The following EIF4G3 variants were observed in gnomAD, a reference collection of about 807,000 sequenced individuals.
EIF4G3 encodes eukaryotic translation initiation factor 4 gamma 3, also known as eIF-4-gamma 3.
A neutral mutation model predicts 186.4 loss-of-function variants in EIF4G3; 34 were observed. That is an observed-to-expected ratio of 0.18 (90% CI 0.14 to 0.24). The LOEUF is 0.24. Ranked by LOEUF, EIF4G3 falls within the 10% of genes least tolerant of loss-of-function variation. The pLI, the probability that EIF4G3 is intolerant of heterozygous loss-of-function variation, is 1.00. For synonymous variants in EIF4G3, 673 were observed against 679.5 expected, an observed-to-expected ratio of 0.99 and a Z score of 0.15; for missense variants, 1,536 against 1,948.5, an observed-to-expected ratio of 0.79 and a Z score of 3.99.
intron 12 of EIF4G3, among the ~76,000 whole-genome samples, chr1:20,959,953 A>C (rs1263646268): frequency 6.6e-6 from 1 of 152,114 alleles, no homozygotes; most frequent in Non-Finnish European, 1.5e-5. Flanking sequence ...ACTGGTGGGA[A>C]TGTATAACCT....
At chr1:21,000,523 T>C (rs1485390179) in intron 6 of EIF4G3, among the ~76,000 whole-genome samples, 1 of 151,388 alleles carries the variant, frequency 6.6e-6, no homozygotes, top group Non-Finnish European at 1.5e-5. Flanking sequence ...GACTAGACTA[T>C]GACAACTTGG....
intron 30 of EIF4G3, among the ~76,000 whole-genome samples, chr1:20,836,547 T>G (rs111493080): frequency 1.1e-3 from 165 of 152,320 alleles, no homozygotes; most frequent in African/African-American, 3.9e-3. Context: ...GTGTCCAGCC[T>G]ACATAGGGTC....
chr1:20,948,388 A>T (rs1022327094), intron 13 of EIF4G3, among the ~76,000 whole-genome samples: 4 of 152,180 alleles, frequency 2.6e-5, no homozygotes, highest in African/African-American at 4.8e-5. Flanking sequence ...TTGCTGAAAG[A>T]AGTTCTTGAC....
chr1:21,161,340 C>T (rs1573579322), intron 2 of EIF4G3: 1 of 151,776 alleles, frequency 6.6e-6, no homozygotes, highest in South Asian at 2.1e-4. Context: ...CCCACCTCTA[C>T]TAAAAATACA....
At chr1:21,134,874 GT>G (rs34553393) in intron 2 of EIF4G3, among the ~76,000 whole-genome samples, 59 of 149,854 alleles carry the variant, frequency 3.9e-4, no homozygotes, top group East Asian at 9.8e-4. Context: ...ACTATGCAGT[GT>G]TTTTTTTTTG....
chr1:20,876,799 A>G (rs2081015281), intron 20 of EIF4G3, among the ~76,000 whole-genome samples: 1 of 152,066 alleles, frequency 6.6e-6, no homozygotes, highest in Non-Finnish European at 1.5e-5. Flanking sequence ...AGTTTTTGAG[A>G]CCAATCTGGG....
At chr1:21,060,234 G>A (rs985003537) in intron 3 of EIF4G3, among the ~76,000 whole-genome samples, 1 of 152,182 alleles carries the variant, frequency 6.6e-6, no homozygotes, top group African/African-American at 2.4e-5. Flanking sequence ...ACAGGCGTGC[G>A]TCACTGCATC....
chr1:20,990,449 C>A (rs1341095279), intron 7 of EIF4G3, among the ~76,000 whole-genome samples: 1 of 152,048 alleles, frequency 6.6e-6, no homozygotes, highest in African/African-American at 2.4e-5. Context: ...CTGAGGTGGG[C>A]GGATCACGAG....
rs190674056 is a variant in EIF4G3 at position 20,868,265 on chromosome 1, A to T, written c.2623-3003T>A. ...GGGCTGCTATAACAAAATACCATAG[A>T]CTGGGTGGCTTAAACAATGGAAGTT... On this transcript the variant is annotated intron_variant, in intron 20 of 36. Transcript: ENST00000602326. 6.0e-3 allele frequency among the ~76,000 whole-genome samples: 906 copies of T among 151,766 alleles called. 40 individuals are homozygous for T. Among genetic ancestry groups the T allele is most frequent in the Admixed American group, 0.05 (769 of 15,232 alleles).
chr1:20,896,449 A>G (rs1165582429), intron 16 of EIF4G3, among the ~76,000 whole-genome samples: 16 of 151,064 alleles, frequency 1.1e-4, no homozygotes, highest in Non-Finnish European at 1.8e-4. Flanking sequence ...AAAAAAAAAA[A>G]AAAGAAAAAG....
intron 22 of EIF4G3, among the ~76,000 whole-genome samples, 191 bp downstream of exon 22, chr1:20,864,285 C>T (rs1330032036): frequency 1.1e-4 from 16 of 152,072 alleles, no homozygotes; most frequent in Admixed American, 9.8e-4. Context: ...AATTTGGGAC[C>T]CTCCTCATCT....
At chr1:20,868,406 C>T (rs1213821391) in intron 20 of EIF4G3, among the ~76,000 whole-genome samples, 3 of 152,076 alleles carry the variant, frequency 2.0e-5, no homozygotes, top group Non-Finnish European at 4.4e-5. Context: ...TGTATCCTTA[C>T]ATGACAGGGA....
intron 2 of EIF4G3, among the ~76,000 whole-genome samples, chr1:21,149,991 TAA>T (rs1347065583): frequency 1.3e-5 from 2 of 152,258 alleles, no homozygotes; most frequent in African/African-American, 4.8e-5. Flanking sequence ...ACTAATGCTG[TAA>T]ATTCCAATAC....
intron 3 of EIF4G3, among the ~76,000 whole-genome samples, chr1:21,067,807 G>A (rs2095301385): frequency 1.3e-5 from 2 of 152,022 alleles, no homozygotes; most frequent in African/African-American, 2.4e-5. Flanking sequence ...TTATCAGTGA[G>A]AGTTATTGAA....
In EIF4G3 at chr1:20,949,916, T is replaced by C; in HGVS notation, c.823+87A>G. The C allele has an allele frequency of 2.7e-6, 3 of 1,116,780 alleles. No homozygotes were observed. The African/African-American group carries it at 4.6e-5, about 17-fold the overall frequency. 69.2% of individuals were successfully genotyped at this position (1,116,780 alleles called of 1,614,324 possible). On this transcript the variant is annotated intron_variant, in intron 13 of 36. Transcript: ENST00000602326. ...GGGTGTCTAAATAATCCTTGGATGCTGTACTCTTACTCTTGAATGCTGACG... is the reference window on the plus strand; with the variant it reads ...GGGTGTCTAAATAATCCTTGGATGCCGTACTCTTACTCTTGAATGCTGACG...
chr1:21,055,804 A>G (rs1490273093), intron 3 of EIF4G3, among the ~76,000 whole-genome samples: 2 of 152,182 alleles, frequency 1.3e-5, no homozygotes, highest in Admixed American at 1.3e-4. Context: ...CCTGTACACT[A>G]GTATCAACAG....
At chr1:21,007,536 A>AAAAAAAAAAAG (rs2085555335) in intron 4 of EIF4G3, among the ~76,000 whole-genome samples, 2 of 88,890 alleles carry the variant, frequency 2.2e-5, no homozygotes, top group Admixed American at 3.0e-4. Context: ...AAAAAAAAAA[A>AAAAAAAAAAAG]ACACACTCAA....
intron 2 of EIF4G3, among the ~76,000 whole-genome samples, chr1:21,116,838 CAAA>C (rs577723036): frequency 7.4e-5 from 5 of 67,512 alleles, no homozygotes; most frequent in Non-Finnish European, 9.1e-5. Flanking sequence ...GACTCCTTCT[CAAA>C]AAAAAAAAAA....
chr1:21,114,923 G>C (rs903537495), intron 2 of EIF4G3, among the ~76,000 whole-genome samples: 1 of 152,148 alleles, frequency 6.6e-6, no homozygotes, highest in Non-Finnish European at 1.5e-5. Flanking sequence ...AGCATTTTGA[G>C]AGGCTGAGGC....
Sources: gnomAD v4.1 joint callset for allele counts (sites outside exome capture counted in the v4.1 genomes callset) on GRCh38, gnomAD v4.1.1 for gene constraint, MANE v1.5 for transcripts, NCBI Gene and HGNC (gene_info 2026-07-23, HGNC 2026-07-21) for gene names.